The following AAK1 variants were observed in gnomAD, a reference collection of about 807,000 sequenced individuals.
The protein encoded by AAK1 is AP2 associated kinase 1, also known as AP2-associated protein kinase 1.
Under a neutral mutation model 116.0 loss-of-function variants are expected in AAK1, and 37 were observed. The observed-to-expected ratio is 0.32, with a 90% CI of 0.25 to 0.42. The LOEUF (loss-of-function observed/expected upper bound fraction) is 0.42, where lower values mean the gene tolerates loss of function less well. Among genes scored for constraint, AAK1 ranks in the 10% least tolerant of loss-of-function variants. AAK1 has a pLI of 1.00. For synonymous variants in AAK1, 458 were observed against 439.9 expected (o/e 1.04, Z -0.51); for missense variants, 919 against 1,170.6 (o/e 0.79, Z 3.14).
chr2:69,574,377 C>CAAAAA (rs58486434), intron 2 of AAK1, among the ~76,000 whole-genome samples: 8 of 74,876 alleles, frequency 1.1e-4, no homozygotes, highest in African/African-American at 3.0e-4. Context: ...GACTCCCTCT[C>CAAAAA]AAAAAAAAAA....
chr2:69,509,970 G>A (rs1676328747), intron 13 of AAK1, among the ~76,000 whole-genome samples: 1 of 152,198 alleles, frequency 6.6e-6, no homozygotes, highest in African/African-American at 2.4e-5. Flanking sequence ...CTCTGCCATA[G>A]CGAGACCACA....
intron 2 of AAK1, among the ~76,000 whole-genome samples, chr2:69,629,865 TGAG>T (rs1675084817): frequency 6.6e-6 from 1 of 152,056 alleles, no homozygotes; most frequent in Non-Finnish European, 1.5e-5. Flanking sequence ...AATAAAACTT[TGAG>T]GTTATGGGCC....
intron 2 of AAK1, among the ~76,000 whole-genome samples, chr2:69,558,998 C>T (rs759004574): frequency 2.7e-5 from 4 of 150,172 alleles, no homozygotes; most frequent in East Asian, 2.0e-4. Context: ...CACTATTGCA[C>T]GTTTTCATAA....
At chr2:69,556,212 C>T (rs1186719237) in intron 3 of AAK1, among the ~76,000 whole-genome samples, 1 of 152,152 alleles carries the variant, frequency 6.6e-6, no homozygotes, top group Non-Finnish European at 1.5e-5. Flanking sequence ...AACATTTCCA[C>T]GGCCTAGAAA....
intron 2 of AAK1, among the ~76,000 whole-genome samples, chr2:69,589,582 G>A (rs925762605): frequency 3.9e-5 from 6 of 151,948 alleles, no homozygotes; most frequent in African/African-American, 1.5e-4. Context: ...GATGGCGCAT[G>A]CCTGTAATCC....
intron 3 of AAK1, among the ~76,000 whole-genome samples, chr2:69,545,636 C>T (rs1301990064): frequency 6.6e-6 from 1 of 152,172 alleles, no homozygotes; most frequent in African/African-American, 2.4e-5. Flanking sequence ...GAAGTGAATA[C>T]ACCTGAACCC....
intron 13 of AAK1, among the ~76,000 whole-genome samples, chr2:69,512,674 C>T (rs1202900122): frequency 1.3e-5 from 2 of 152,228 alleles, no homozygotes; most frequent in African/African-American, 4.8e-5. Flanking sequence ...TCTATGGCTC[C>T]TGGCCAAAGC....
intron 19 of AAK1, 45 bp from the exon 20 acceptor site, chr2:69,479,106 T>G: frequency 7.9e-7 from 1 of 1,273,154 alleles, no homozygotes; most frequent in Non-Finnish European, 1.1e-6. Flanking sequence ...TGGCATTAAG[T>G]GGCACACACA....
intron 5 of AAK1, among the ~76,000 whole-genome samples, chr2:69,542,001 G>A (rs975239401): frequency 4.6e-5 from 7 of 152,122 alleles, no homozygotes; most frequent in African/African-American, 1.4e-4. Flanking sequence ...TACATAAAAC[G>A]TAGTAGAGTA....
chr2:69,463,824 AT>A lies in AAK1; in HGVS notation c.*12044del, dbSNP rs1237698094. The A allele has an allele frequency of 1.3e-5, 2 of 151,690 alleles. No homozygotes were observed. Among genetic ancestry groups the A allele is most frequent in the Non-Finnish European group, 2.9e-5 (2 of 68,014 alleles). 9.4% of individuals were successfully genotyped at this position (151,690 alleles called of 1,614,324 possible). A position where few individuals can be genotyped will look rare whatever the true frequency, so the allele number is the denominator to read the frequency against. On this transcript the variant is annotated 3_prime_UTR_variant, in exon 22 of 22. Coordinates refer to ENST00000409085, the MANE Select transcript of AAK1 (RefSeq NM_014911.5). ...CCATGCCCAGCCTATTTTTTTATTT[AT>A]TTTTTGAAGGGACAGGGTCTCGCTG...
At chr2:69,568,425 C>CTTTT (rs61271799) in intron 2 of AAK1, among the ~76,000 whole-genome samples, 1 of 122,212 alleles carries the variant, frequency 8.2e-6, no homozygotes. Context: ...ATGTTTTCAA[C>CTTTT]TTTTTTTTTT....
intron 5 of AAK1, among the ~76,000 whole-genome samples, chr2:69,540,657 C>A (rs183691463): frequency 1.3e-5 from 2 of 152,256 alleles, no homozygotes; most frequent in East Asian, 1.9e-4. Flanking sequence ...TGCCGATGGA[C>A]GTAAAATAGT....
At chr2:69,558,430 C>G (rs985645622) in intron 2 of AAK1, among the ~76,000 whole-genome samples, 1 of 152,136 alleles carries the variant, frequency 6.6e-6, no homozygotes, top group African/African-American at 2.4e-5. Flanking sequence ...TCTTAGAACC[C>G]TAACCTCATC....
At chr2:69,502,786 A>C (rs1676030944) in intron 16 of AAK1, among the ~76,000 whole-genome samples, 1 of 152,252 alleles carries the variant, frequency 6.6e-6, no homozygotes, top group Non-Finnish European at 1.5e-5. Context: ...ATGTATAAAA[A>C]ACCTTAAAAT....
At chr2:69,478,323 A>T (rs1319759981) in intron 20 of AAK1, 1 of 152,306 alleles carries the variant, frequency 6.6e-6, no homozygotes, top group Admixed American at 6.5e-5. Context: ...TTGACTGCAA[A>T]GGTATCTAGC....
intron 2 of AAK1, among the ~76,000 whole-genome samples, chr2:69,633,663 C>T (rs1046487757): frequency 6.6e-6 from 1 of 151,744 alleles, no homozygotes; most frequent in African/African-American, 2.4e-5. Flanking sequence ...AGAACCTGAC[C>T]ATCCTGGTAC....
At chr2:69,516,927 T>C (rs978425286) in intron 12 of AAK1, 6 of 152,018 alleles carry the variant, frequency 3.9e-5, no homozygotes, top group African/African-American at 1.4e-4. Flanking sequence ...CTAAGGAGGG[T>C]TGAACCAGCG....
intron 17 of AAK1, among the ~76,000 whole-genome samples, chr2:69,495,216 CAA>C (rs1675691335): frequency 6.6e-6 from 1 of 152,172 alleles, no homozygotes; most frequent in South Asian, 2.1e-4. Context: ...CTCCTCCCAC[CAA>C]AGAGTACGGA....
At chr2:69,504,641 C>T (rs1676109943) in intron 16 of AAK1, among the ~76,000 whole-genome samples, 2 of 151,992 alleles carry the variant, frequency 1.3e-5, no homozygotes, top group African/African-American at 2.4e-5. Flanking sequence ...ATGGCAGGTG[C>T]CTGTAATCCT....
Sources: gnomAD v4.1 joint callset for allele counts (sites outside exome capture counted in the v4.1 genomes callset) on GRCh38, gnomAD v4.1.1 for gene constraint, MANE v1.5 for transcripts, NCBI Gene and HGNC (gene_info 2026-07-23, HGNC 2026-07-21) for gene names.